CLSTN1: variants seen among roughly 807,000 people sequenced by gnomAD.
The protein encoded by CLSTN1 is calsyntenin-1.
Under a neutral mutation model 108.3 loss-of-function variants are expected in CLSTN1, and 28 were observed. That is an observed-to-expected ratio of 0.26 (90% CI 0.19 to 0.35). CLSTN1 has a LOEUF of 0.35. Ranked by LOEUF, CLSTN1 falls within the 10% of genes least tolerant of loss-of-function variation. CLSTN1 has a pLI of 1.00. For synonymous variants in CLSTN1, 524 were observed against 534.9 expected, an observed-to-expected ratio of 0.98 and a Z score of 0.28; for missense variants, 1,157 against 1,302.6, an observed-to-expected ratio of 0.89 and a Z score of 1.72.
chr1:9,747,965 A>G (rs551860403), intron 7 of CLSTN1, among the ~76,000 whole-genome samples: 2 of 151,276 alleles, frequency 1.3e-5, no homozygotes, highest in African/African-American at 2.4e-5. Flanking sequence ...AATGGTGTGA[A>G]CCCAGGAGGC....
At chr1:9,770,313 T>C (rs1019016772) in intron 2 of CLSTN1, among the ~76,000 whole-genome samples, 1 of 152,220 alleles carries the variant, frequency 6.6e-6, no homozygotes, top group African/African-American at 2.4e-5. Flanking sequence ...TAAGTATTAT[T>C]TCATCTAGAA....
intron 2 of CLSTN1, among the ~76,000 whole-genome samples, chr1:9,772,271 T>G (rs1652728570): frequency 6.6e-6 from 1 of 150,928 alleles, no homozygotes; most frequent in African/African-American, 2.4e-5. Flanking sequence ...CATGAGCCAC[T>G]GTGCCCGGCC....
chr1:9,804,361 C>CAAAAA (rs35632390), intron 1 of CLSTN1, among the ~76,000 whole-genome samples: 3 of 65,124 alleles, frequency 4.6e-5, no homozygotes, highest in Non-Finnish European at 1.0e-4. Flanking sequence ...GACTCCATCT[C>CAAAAA]AAAAAAAAAA....
At chr1:9,766,203 T>C (rs770107735) in intron 2 of CLSTN1, among the ~76,000 whole-genome samples, 22 of 152,072 alleles carry the variant, frequency 1.4e-4, no homozygotes, top group African/African-American at 4.6e-4. Context: ...AGGAAAGAGA[T>C]TGCTAGAACA....
intron 1 of CLSTN1, among the ~76,000 whole-genome samples, chr1:9,822,538 T>C (rs1009127441): frequency 1.3e-5 from 2 of 152,152 alleles, no homozygotes; most frequent in African/African-American, 4.8e-5. Context: ...AAAATTTCTT[T>C]TGATTAAAAA....
chr1:9,744,068 T>C, intron 8 of CLSTN1, 63 bp from the exon 9 acceptor site: 2 of 1,589,532 alleles, frequency 1.3e-6, no homozygotes, highest in Middle Eastern at 1.7e-4. Context: ...ATTAAAGCTG[T>C]TTCTTGAATG....
chr1:9,743,733 T>C, intron 9 of CLSTN1, 151 bp downstream of exon 9: 3 of 830,680 alleles, frequency 3.6e-6, no homozygotes, highest in Non-Finnish European at 5.4e-6. Context: ...GGTTTTTTTT[T>C]TTTTGTAGGG....
In CLSTN1 at chr1:9,823,566, C is replaced by A; in HGVS notation, c.91+77G>T. The A allele has an allele frequency of 1.0e-6, 1 of 993,590 alleles. No individual in the cohort carries two copies. Among genetic ancestry groups the A allele is most frequent in the South Asian group, 4.9e-5 (1 of 20,320 alleles). The allele number at this position is 993,590 out of a possible 1,614,324, so 61.5% of individuals were successfully genotyped here. ...ACTCCCGCACCCGGACCCGAATCCC[C>A]GCACCGGGACCCGAATCCTGCACCC... On this transcript the variant is annotated intron_variant, in intron 1 of 18. Coordinates refer to ENST00000377298, the MANE Select transcript of CLSTN1 (RefSeq NM_001009566.3). The surrounding 1 kb of genome is among the most constrained non-coding windows in gnomAD (Gnocchi z 6.3).
rs2101068154 is a variant in CLSTN1 at position 9,730,535 on chromosome 1, C to A, written c.2919G>T (p.Glu973Asp). The A allele has an allele frequency of 6.2e-7, 1 of 1,606,242 alleles. No individual in the cohort carries two copies. Among genetic ancestry groups the A allele is most frequent in the East Asian group, 2.2e-5 (1 of 44,868 alleles). ...PQNATRQQQL[E>D]WDDSTLSY is the part of the protein sequence containing the mutation. ...AGTAGCTGAGGGTGGAGTCATCCCA[C>A]TCCAGCTGCTGCTGCCGGGTTGCGT... The change falls in exon 19 of 19, where the codon GAG (glutamate) becomes GAT (aspartate). Residue 973 changes from glutamate to aspartate, a missense_variant. Physicochemically the swap from Glu to Asp is conservative, Grantham distance 45 (BLOSUM62 2). Transcript: ENST00000377298. This position sits in a 1 kb window ranked among gnomAD's most constrained non-coding sequence, Gnocchi z 5.6.
At chr1:9,778,756 T>C (rs920932146) in intron 1 of CLSTN1, among the ~76,000 whole-genome samples, 1 of 152,078 alleles carries the variant, frequency 6.6e-6, no homozygotes, top group African/African-American at 2.4e-5. Context: ...GGCTCACGCC[T>C]GTAATCTTAG....
intron 1 of CLSTN1, among the ~76,000 whole-genome samples, chr1:9,806,234 G>T (rs547689294): frequency 6.6e-6 from 1 of 152,040 alleles, no homozygotes; most frequent in Non-Finnish European, 1.5e-5. Context: ...GGGGTGGAGG[G>T]GGGGAGGTTG....
intron 1 of CLSTN1, among the ~76,000 whole-genome samples, chr1:9,804,325 T>C (rs1244505504): frequency 1.5e-5 from 2 of 135,476 alleles, no homozygotes; most frequent in Non-Finnish European, 3.0e-5. Context: ...ATCATGCCAC[T>C]GCACTCCAGC....
intron 2 of CLSTN1, among the ~76,000 whole-genome samples, chr1:9,769,533 T>C (rs1344349332): frequency 6.6e-6 from 1 of 152,074 alleles, no homozygotes; most frequent in East Asian, 1.9e-4. Flanking sequence ...GAGACGCCCA[T>C]CACAAAAAGC....
intron 1 of CLSTN1, among the ~76,000 whole-genome samples, chr1:9,814,346 G>A (rs933904310): frequency 2.6e-5 from 4 of 151,862 alleles, no homozygotes; most frequent in African/African-American, 4.8e-5. Context: ...TTGGGAGGAC[G>A]GAGATTGCAG....
At chr1:9,793,224 G>A (rs143193816) in intron 1 of CLSTN1, among the ~76,000 whole-genome samples, 1 of 151,312 alleles carries the variant, frequency 6.6e-6, no homozygotes, top group African/African-American at 2.4e-5. Flanking sequence ...TGTTTGCCAG[G>A]CTGGTCTCGA....
chr1:9,784,447 G>A (rs1653391368), intron 1 of CLSTN1, among the ~76,000 whole-genome samples: 1 of 152,144 alleles, frequency 6.6e-6, no homozygotes, highest in Non-Finnish European at 1.5e-5. Context: ...GTTACAGGCT[G>A]CCGTGAGCCA....
chr1:9,756,136 G>A (rs1274969686), intron 3 of CLSTN1, among the ~76,000 whole-genome samples: 1 of 152,178 alleles, frequency 6.6e-6, no homozygotes, highest in Non-Finnish European at 1.5e-5. Context: ...TGATGTCGAT[G>A]TGAAACTCCA....
chr1:9,738,907 C>T (rs1650831507), intron 10 of CLSTN1, among the ~76,000 whole-genome samples: 1 of 152,220 alleles, frequency 6.6e-6, no homozygotes, highest in African/African-American at 2.4e-5. Flanking sequence ...CTGCCACCGC[C>T]TCCCAAAGTG....
At chr1:9,808,933 A>G (rs1345432803) in intron 1 of CLSTN1, among the ~76,000 whole-genome samples, 5 of 151,792 alleles carry the variant, frequency 3.3e-5, no homozygotes, top group Non-Finnish European at 5.9e-5. Flanking sequence ...TTCTAGATAT[A>G]ACAGAAACTT....
Sources: allele counts gnomAD v4.1 joint callset (sites outside exome capture counted in the v4.1 genomes callset), GRCh38; gene constraint gnomAD v4.1.1; non-coding constraint Gnocchi (gnomAD v3.1); transcripts MANE v1.5; gene names NCBI Gene and HGNC (gene_info 2026-07-23, HGNC 2026-07-21).